Variants in ARMH1 observed in about 807,000 individuals in gnomAD.
The protein encoded by ARMH1 is armadillo like helical domain containing 1, also known as armadillo-like helical domain containing protein 1.
A neutral mutation model predicts 50.2 loss-of-function variants in ARMH1; 34 were observed. That is an observed-to-expected ratio of 0.68 (90% CI 0.51 to 0.90). The LOEUF (loss-of-function observed/expected upper bound fraction) is 0.90, where lower values mean the gene tolerates loss of function less well. Among genes scored for constraint, ARMH1 ranks in the 40% least tolerant of loss-of-function variants. The pLI is 0.00. For synonymous variants in ARMH1, 221 were observed against 224.2 expected (o/e 0.99, Z 0.13); for missense variants, 538 against 553.9 (o/e 0.97, Z 0.29).
At chr1:44,684,009 G>A (rs538650697) in intron 1 of ARMH1, among the ~76,000 whole-genome samples, 1 of 152,050 alleles carries the variant, frequency 6.6e-6, no homozygotes, top group Admixed American at 6.5e-5. Flanking sequence ...CAACCACAGA[G>A]AGAGAGAGAG....
At chr1:44,694,493 GTCTTTT>G (rs1166703730) in intron 2 of ARMH1, among the ~76,000 whole-genome samples, 2 of 147,114 alleles carry the variant, frequency 1.4e-5, no homozygotes, top group Non-Finnish European at 3.0e-5. Context: ...CATTTATTGA[GTCTTTT>G]TCTTTTTTTC....
At chr1:44,716,952 G>A (rs1000648176) in intron 6 of ARMH1, among the ~76,000 whole-genome samples, 1 of 150,742 alleles carries the variant, frequency 6.6e-6, no homozygotes, top group Admixed American at 6.7e-5. Context: ...ACAGGTAAAA[G>A]ATATTCTCCT....
intron 6 of ARMH1, among the ~76,000 whole-genome samples, chr1:44,718,349 G>A (rs541097987): frequency 6.6e-6 from 1 of 152,292 alleles, no homozygotes; most frequent in East Asian, 1.9e-4. Context: ...TGCATGAGGG[G>A]CCAGACCACT....
rs12097421 is a variant in ARMH1, at chr1:44,700,360, C to G, written c.443-563C>G. On this transcript the variant is annotated intron_variant, in intron 4 of 11. Transcript: ENST00000535358. Reference sequence around the variant, plus strand: ...TGGCCGGGCGCCGTGGCTCACGCCTCTAATCCCAACACTTCGGGAGGCCAA... The same window carrying G: ...TGGCCGGGCGCCGTGGCTCACGCCTGTAATCCCAACACTTCGGGAGGCCAA... 2.5e-3 allele frequency among the ~76,000 whole-genome samples: 373 copies of G among 152,198 alleles called. 1 individual carries two copies. The highest frequency in any genetic ancestry group is 7.6e-3 in the African/African-American group (317 of 41,554).
chr1:44,691,086 C>G (rs1284282011), intron 2 of ARMH1, among the ~76,000 whole-genome samples: 1 of 151,912 alleles, frequency 6.6e-6, no homozygotes, highest in African/African-American at 2.4e-5. Context: ...AGGGAAACCC[C>G]GTCTCTACTA....
intron 6 of ARMH1, among the ~76,000 whole-genome samples, chr1:44,707,620 C>T (rs897918050): frequency 6.6e-6 from 1 of 152,114 alleles, no homozygotes; most frequent in Admixed American, 6.5e-5. Flanking sequence ...TGGGGTCTCC[C>T]TATGTTGCCC....
At chr1:44,709,836 CA>C (rs931322565) in intron 6 of ARMH1, among the ~76,000 whole-genome samples, 5 of 148,314 alleles carry the variant, frequency 3.4e-5, no homozygotes, top group South Asian at 2.1e-4. Context: ...GACTCCATCT[CA>C]AAAAAAAAAT....
intron 1 of ARMH1, 107 bp downstream of exon 1, chr1:44,674,980 T>A (rs1259731307): frequency 1.3e-5 from 2 of 152,152 alleles, no homozygotes; most frequent in East Asian, 3.9e-4. Context: ...GATGGATGGG[T>A]GGATGGGAAG....
intron 4 of ARMH1, among the ~76,000 whole-genome samples, chr1:44,699,133 A>G (rs1197992280): frequency 6.6e-6 from 1 of 151,896 alleles, no homozygotes; most frequent in African/African-American, 2.4e-5. Context: ...ATACAAAAAA[A>G]AATTCAAACG....
At chr1:44,707,229 G>A (rs535458028) in intron 6 of ARMH1, among the ~76,000 whole-genome samples, 41 of 152,124 alleles carry the variant, frequency 2.7e-4, no homozygotes, top group African/African-American at 9.2e-4. Flanking sequence ...AGCATGTTAG[G>A]TCCTCATTGC....
intron 3 of ARMH1, 95 bp from the exon 4 acceptor site, chr1:44,697,968 A>C (rs1645884361): frequency 1.2e-5 from 12 of 970,660 alleles, no homozygotes; most frequent in Non-Finnish European, 1.3e-5. Flanking sequence ...AGGAGGGCAA[A>C]GTATGTAAAG....
In ARMH1 at chr1:44,721,584, C is replaced by A. The variant is rs182776356; in HGVS notation, c.725-2538C>A. On this transcript the variant is annotated intron_variant, in intron 6 of 11. Coordinates refer to ENST00000535358, the MANE Select transcript of ARMH1 (RefSeq NM_001145636.2). ...GAAGCTAAAAAAACATGACAGTAGG[C>A]CGGGCACTACAAAAAGTACACAAAA... Among the ~76,000 whole-genome samples the A allele has an allele frequency of 5.9e-5, 9 of 152,122 alleles. No individual in the cohort carries two copies. The East Asian group carries it at 1.5e-3, about 26-fold the overall frequency.
intron 6 of ARMH1, among the ~76,000 whole-genome samples, chr1:44,710,695 T>C (rs1235175263): frequency 1.3e-5 from 2 of 152,040 alleles, no homozygotes; most frequent in South Asian, 2.1e-4. Flanking sequence ...TTAACTGAGA[T>C]GACATTCACA....
chr1:44,678,879 G>A (rs1204847649), intron 1 of ARMH1, among the ~76,000 whole-genome samples: 1 of 152,158 alleles, frequency 6.6e-6, no homozygotes, highest in Non-Finnish European at 1.5e-5. Flanking sequence ...CCCTTCGCTT[G>A]TTGCCAAGGA....
rs1467481630 is a variant in ARMH1, at chr1:44,724,412, TG to T, written c.920+23del. On this transcript the variant is annotated intron_variant, in intron 8 of 11. Transcript: ENST00000535358. The surrounding 1 kb of genome is among the most constrained non-coding windows in gnomAD (Gnocchi z 6.4). ...CATCGGGTAAGCGGGCAGGGGTTAG[TG>T]GGTAGCTGCAGCAAGCCTGGCTTGG... The T allele has an allele frequency of 6.5e-7, 1 of 1,546,722 alleles. No individual in the cohort carries two copies. Among genetic ancestry groups the T allele is most frequent in the East Asian group, 2.4e-5 (1 of 40,872 alleles).
At chr1:44,722,737 AAAAC>A (rs973635445) in intron 6 of ARMH1, among the ~76,000 whole-genome samples, 208 of 150,112 alleles carry the variant, frequency 1.4e-3, no homozygotes, top group African/African-American at 3.2e-3. Context: ...CCGTCTCAAA[AAAAC>A]AAACAAACAA....
intron 1 of ARMH1, chr1:44,684,606 A>G (rs916198307): frequency 6.6e-6 from 1 of 152,226 alleles, no homozygotes; most frequent in African/African-American, 2.4e-5. Context: ...TTTGACCTCT[A>G]AGAGGCTTAA....
intron 2 of ARMH1, among the ~76,000 whole-genome samples, chr1:44,695,407 C>G (rs2148636589): frequency 1.3e-5 from 2 of 152,338 alleles, no homozygotes; most frequent in East Asian, 3.9e-4. Flanking sequence ...CCTTCATCCC[C>G]TGTTCTCTAG....
rs1271547875 is a variant in ARMH1, at chr1:44,704,192, G to A, written c.724+19G>A. 6.5e-7 allele frequency: 1 copy of A among 1,530,230 alleles called. No individual in the cohort carries two copies. The highest frequency in any genetic ancestry group is 2.0e-5 in the Admixed American group (1 of 50,936). 94.8% of individuals were successfully genotyped at this position (1,530,230 alleles called of 1,614,324 possible). A position where few individuals can be genotyped will look rare whatever the true frequency, so the allele number is the denominator to read the frequency against. Reference sequence around the variant, plus strand: ...TATGAAGGTAGGGAGCCTCCAGATTGCAGAAGGGGGCACCGAGAGCCAGAC... The same window carrying A: ...TATGAAGGTAGGGAGCCTCCAGATTACAGAAGGGGGCACCGAGAGCCAGAC... On this transcript the variant is annotated intron_variant, in intron 6 of 11. Coordinates refer to ENST00000535358, the MANE Select transcript of ARMH1 (RefSeq NM_001145636.2).
Sources: allele counts gnomAD v4.1 joint callset (sites outside exome capture counted in the v4.1 genomes callset), GRCh38; gene constraint gnomAD v4.1.1; non-coding constraint Gnocchi (gnomAD v3.1); transcripts MANE v1.5; gene names NCBI Gene and HGNC (gene_info 2026-07-23, HGNC 2026-07-21).